FAM184B: variants seen among roughly 807,000 people sequenced by gnomAD.
FAM184B encodes protein FAM184B.
A neutral mutation model predicts 135.9 loss-of-function variants in FAM184B; 111 were observed. The ratio of observed to expected loss-of-function variants is 0.82; its 90% CI spans 0.70 to 0.96. The LOEUF is 0.96. Ranked by LOEUF, FAM184B falls within the 40% of genes least tolerant of loss-of-function variation. The pLI is 0.00. For missense variants in FAM184B, 1,375 were observed against 1,323.9 expected, an observed-to-expected ratio of 1.04 and a Z score of -0.60; for synonymous variants, 552 against 524.8, an observed-to-expected ratio of 1.05 and a Z score of -0.71.
chr4:17,702,167 C>T (rs1717003092), intron 5 of FAM184B, among the ~76,000 whole-genome samples: 1 of 152,164 alleles, frequency 6.6e-6, no homozygotes, highest in Non-Finnish European at 1.5e-5. Context: ...AGCCCAGTTC[C>T]TTGGTCTTCC....
intron 1 of FAM184B, among the ~76,000 whole-genome samples, chr4:17,735,421 T>G (rs1717885493): frequency 6.6e-6 from 1 of 152,162 alleles, no homozygotes; most frequent in Admixed American, 6.6e-5. Context: ...CTATAATGAA[T>G]TACTACTGGT....
At position 17,746,830 on chromosome 4, in the gene FAM184B, G is replaced by C. The variant is rs188605934; in HGVS notation, c.141+34329C>G. 5.2e-3 allele frequency among the ~76,000 whole-genome samples: 790 copies of C among 152,006 alleles called. 9 individuals are homozygous for C. The highest frequency in any genetic ancestry group is 0.018 in the African/African-American group (747 of 41,462). ...AGGCGGGCGGATCACCTGAGGTCAG[G>C]AGTTCGAGACCAGCCTGACCAACAT... On this transcript the variant is annotated intron_variant, in intron 1 of 17. Transcript: ENST00000265018.
At chr4:17,777,101 A>G (rs1371039351) in intron 1 of FAM184B, among the ~76,000 whole-genome samples, 1 of 152,254 alleles carries the variant, frequency 6.6e-6, no homozygotes. Context: ...CAAAAAGTAG[A>G]AACTCAAATG....
rs543883163 is a variant in FAM184B at position 17,683,612 on chromosome 4, T to C, written c.1596+4812A>G. ...CTATCCATTGAAGTATTATCTATAA[T>C]AGAGAAATATTAAAACAATCTAAAT... On this transcript the variant is annotated intron_variant, in intron 7 of 17. Coordinates refer to ENST00000265018, the MANE Select transcript of FAM184B (RefSeq NM_015688.2). 7.9e-5 allele frequency among the ~76,000 whole-genome samples: 12 copies of C among 152,294 alleles called. No homozygotes were observed. The South Asian group carries it at 2.1e-3, about 26-fold the overall frequency.
At chr4:17,734,848 T>A (rs993261834) in intron 1 of FAM184B, among the ~76,000 whole-genome samples, 1 of 151,894 alleles carries the variant, frequency 6.6e-6, no homozygotes, top group African/African-American at 2.4e-5. Flanking sequence ...CCCAAAGGAC[T>A]ATAAATCATG....
At chr4:17,727,940 G>C (rs555547705) in intron 1 of FAM184B, among the ~76,000 whole-genome samples, 2 of 152,048 alleles carry the variant, frequency 1.3e-5, no homozygotes, top group African/African-American at 4.8e-5. Flanking sequence ...TTGCTTAACT[G>C]TCTTTACCCC....
At chr4:17,752,876 C>A (rs1018756674) in intron 1 of FAM184B, among the ~76,000 whole-genome samples, 10 of 152,200 alleles carry the variant, frequency 6.6e-5, no homozygotes, top group Non-Finnish European at 1.0e-4. Context: ...ATTAAAGCAA[C>A]AGATGTCTTT....
At position 17,632,548 on chromosome 4, in the gene FAM184B, T is replaced by A; in HGVS notation, c.3167A>T (p.Lys1056Met). ...QGSPHQEWFT[K>M]YFSF ...AAGGTTAGCTTAGAAAGAAAAGTACTTGGTGAACCATTCCTGGTGCGGAGA... is the reference window on the plus strand; with the variant it reads ...AAGGTTAGCTTAGAAAGAAAAGTACATGGTGAACCATTCCTGGTGCGGAGA... Residue 1056 changes from lysine (K) to methionine (M), a missense_variant, in exon 18 of 18, where the codon AAG becomes ATG. Transcript: ENST00000265018. The A allele has an allele frequency of 6.4e-7, 1 of 1,551,260 alleles. No homozygotes were observed. Among genetic ancestry groups the A allele is most frequent in the Non-Finnish European group, 8.7e-7 (1 of 1,146,644 alleles).
At chr4:17,747,401 G>A (rs1032691589) in intron 1 of FAM184B, among the ~76,000 whole-genome samples, 1 of 152,130 alleles carries the variant, frequency 6.6e-6, no homozygotes, top group African/African-American at 2.4e-5. Flanking sequence ...TTTCTGGCAC[G>A]GACGTTATTT....
chr4:17,759,507 T>C (rs953288260), intron 1 of FAM184B, among the ~76,000 whole-genome samples: 38 of 146,974 alleles, frequency 2.6e-4, no homozygotes, highest in African/African-American at 8.2e-4. Context: ...TTCTTTTTTC[T>C]TTTTTCTTTT....
intron 1 of FAM184B, among the ~76,000 whole-genome samples, chr4:17,730,503 G>A (rs1171356010): frequency 6.6e-6 from 1 of 152,116 alleles, no homozygotes; most frequent in East Asian, 1.9e-4. Context: ...AAATGTTAAG[G>A]GCAGCCAGAG....
At chr4:17,756,735 G>C (rs1255686663) in intron 1 of FAM184B, among the ~76,000 whole-genome samples, 1 of 152,132 alleles carries the variant, frequency 6.6e-6, no homozygotes, top group Non-Finnish European at 1.5e-5. Context: ...GATCAGCCTG[G>C]ACAACATGGC....
chr4:17,729,641 A>G lies in FAM184B; in HGVS notation c.142-19997T>C, dbSNP rs572565210. Among the ~76,000 whole-genome samples the G allele has an allele frequency of 1.7e-4, 26 of 152,356 alleles. No individual in the cohort carries two copies. In the South Asian group the frequency reaches 4.8e-3, roughly 28 times the overall value. On this transcript the variant is annotated intron_variant, in intron 1 of 17. Transcript: ENST00000265018. ...CTGTTCTGCAGCCACTGCTGCTGAT[A>G]CCCAGGCAAACAGGGTCTGGAGTGG... is the stretch of plus-strand genomic sequence containing the variant.
intron 12 of FAM184B, among the ~76,000 whole-genome samples, chr4:17,643,956 G>A (rs572244388): frequency 8.3e-4 from 127 of 152,228 alleles, no homozygotes; most frequent in Non-Finnish European, 1.0e-3. Context: ...AGATCCTAGA[G>A]CCAGCTGAGC....
chr4:17,660,107 AC>A lies in FAM184B; in HGVS notation c.1695-21del. 1 of 1,550,782 alleles carries A rather than the reference AC, an allele frequency of 6.4e-7. No individual in the cohort carries two copies. Among genetic ancestry groups the A allele is most frequent in the South Asian group, 1.2e-5 (1 of 83,998 alleles). ...TTGGTCCTTTGAAGATAAGGATGCC[AC>A]AATCACAAAAGATCCTAGGGCTAGG... On this transcript the variant is annotated intron_variant, in intron 8 of 17. Coordinates refer to ENST00000265018, the MANE Select transcript of FAM184B (RefSeq NM_015688.2).
At chr4:17,633,499 G>A (rs914925399) in intron 17 of FAM184B, 190 bp downstream of exon 17, 1 of 517,200 alleles carries the variant, frequency 1.9e-6, no homozygotes. Flanking sequence ...CAGACCTCCA[G>A]GCCAGATGGA....
At chr4:17,695,181 C>G (rs141014192) in intron 5 of FAM184B, among the ~76,000 whole-genome samples, 2,189 of 130,128 alleles carry the variant, frequency 0.017, 23 homozygotes, top group South Asian at 0.028. Flanking sequence ...TTTTCTGAGA[C>G]AGGGTCTCGC....
chr4:17,730,931 G>A (rs144784038), intron 1 of FAM184B, among the ~76,000 whole-genome samples: 24 of 151,930 alleles, frequency 1.6e-4, no homozygotes, highest in African/African-American at 5.1e-4. Flanking sequence ...CGAGAATTAC[G>A]TGAAGAATGC....
In FAM184B at chr4:17,668,494, C is replaced by T. The variant is rs78657265; in HGVS notation, c.1597-3835G>A. Among the ~76,000 whole-genome samples the T allele has an allele frequency of 2.4e-3, 362 of 152,220 alleles. 8 individuals carry two copies. The highest frequency in any genetic ancestry group is 8.5e-3 in the African/African-American group (353 of 41,550). ...CCTTCTCCTCTTGAAGTTCCCATAG[C>T]AATTTTTTTGCTACCACAATTTTCT... On this transcript the variant is annotated intron_variant, in intron 7 of 17. Coordinates refer to ENST00000265018, the MANE Select transcript of FAM184B (RefSeq NM_015688.2).
Sources: allele counts gnomAD v4.1 joint callset (sites outside exome capture counted in the v4.1 genomes callset), GRCh38; gene constraint gnomAD v4.1.1; transcripts MANE v1.5; gene names NCBI Gene and HGNC (gene_info 2026-07-23, HGNC 2026-07-21).